Variants in GET1 observed in about 807,000 individuals in gnomAD.
The protein encoded by GET1 is congenital heart disease 5 protein.
In GET1, 20 loss-of-function variants were observed where a neutral mutation model predicts 22.6. The observed-to-expected ratio is 0.89, with a 90% CI of 0.62 to 1.29. The LOEUF (loss-of-function observed/expected upper bound fraction) is 1.29, where lower values mean the gene tolerates loss of function less well. Ranked by LOEUF, GET1 falls within the 50% of genes most tolerant of loss-of-function variation. The probability of loss-of-function intolerance (pLI) is 0.00; values close to 1 mark genes in which losing one functional copy is unlikely to be tolerated. For synonymous variants in GET1, 92 were observed against 83.8 expected, an observed-to-expected ratio of 1.10 and a Z score of -0.53; for missense variants, 209 against 219.9, an observed-to-expected ratio of 0.95 and a Z score of 0.31.
At chr21:39,410,221 G>T, downstream of GET1, 1 of 1,316,792 alleles carries the variant, frequency 7.6e-7, no homozygotes, top group Non-Finnish European at 1.1e-6. Context: ...TTTTTGTTAA[G>T]ACATGTTTAA....
chr21:39,390,855 A>G lies in GET1; in HGVS notation c.260A>G (p.Lys87Arg). Residue 87 changes from lysine to arginine, a missense_variant, in exon 2 of 5, where the codon AAA (lysine) becomes AGA (arginine). Transcript: ENST00000649170. The stretch of plus-strand genomic sequence containing the variant: ...ATCAACAAGATGACGGATAAGCTCA[A>G]AACCCATGGTACTGTGTCCCTTGCA... The part of the protein sequence containing the change: ...RKINKMTDKL[K>R]THVKARTAQL... The G allele has an allele frequency of 5.0e-6, 8 of 1,614,166 alleles. No individual in the cohort carries two copies. The highest frequency in any genetic ancestry group is 6.8e-6 in the Non-Finnish European group (8 of 1,180,022).
At chr21:39,396,840 C>G (rs576175334) in intron 4 of GET1, 26 bp from the exon 5 acceptor site, 1 of 1,611,860 alleles carries the variant, frequency 6.2e-7, no homozygotes, top group Non-Finnish European at 8.5e-7. Flanking sequence ...GGTATGCGCT[C>G]TCATGGTGAA....
intron 1 of GET1, among the ~76,000 whole-genome samples, chr21:39,416,390 G>C (rs1471858011): frequency 6.6e-6 from 1 of 152,202 alleles, no homozygotes; most frequent in Admixed American, 6.5e-5. Flanking sequence ...AGATGGGCCT[G>C]AGTCCTTTTG....
exon 5 of GET1, chr21:39,406,524 C>T: frequency 1.2e-6 from 2 of 1,613,034 alleles, no homozygotes; most frequent in Non-Finnish European, 1.7e-6. Flanking sequence ...AAATGTTTTT[C>T]TTTTCTTGGT....
chr21:39,387,462 TGA>T (rs1432824520), intron 1 of GET1, among the ~76,000 whole-genome samples: 1 of 152,254 alleles, frequency 6.6e-6, no homozygotes, highest in Non-Finnish European at 1.5e-5. Context: ...GATAATTTTG[TGA>T]TTCATCTAAG....
Position 39,391,882 on chromosome 21 carries a change from C to G in GET1, c.336+46C>G, listed in dbSNP as rs201454241. 9 of 1,590,182 alleles carry G rather than the reference C, an allele frequency of 5.7e-6. No individual in the cohort carries two copies. In the East Asian group the frequency reaches 1.8e-4, roughly 32 times the overall value. ...GCCGGGTCATTGGAGTTGGTGACCCCGGCCTCCAGAGCCGTGTCTGCAGAT... is the reference window on the plus strand; with the variant it reads ...GCCGGGTCATTGGAGTTGGTGACCCGGGCCTCCAGAGCCGTGTCTGCAGAT... On this transcript the variant is annotated intron_variant, in intron 3 of 4. Coordinates refer to ENST00000649170, the MANE Select transcript of GET1 (RefSeq NM_004627.6).
intron 4 of GET1, among the ~76,000 whole-genome samples, chr21:39,405,127 C>T (rs2038975247): frequency 6.6e-6 from 1 of 152,056 alleles, no homozygotes; most frequent in Admixed American, 6.5e-5. Flanking sequence ...GCCATGGCAC[C>T]CAGCCTATTT....
At chr21:39,423,447 T>A in intron 1 of GET1, 2 of 1,587,824 alleles carry the variant, frequency 1.3e-6, no homozygotes, top group Non-Finnish European at 1.7e-6. Flanking sequence ...TAAAGAGTGA[T>A]GCATTCCAGG....
chr21:39,426,346 G>A (rs920460143), intron 1 of GET1, among the ~76,000 whole-genome samples: 15 of 152,168 alleles, frequency 9.9e-5, no homozygotes, highest in East Asian at 5.8e-4. Context: ...CTTAGAATTC[G>A]AAATGCAATT....
intron 1 of GET1, chr21:39,381,058 G>A: frequency 1.5e-6 from 1 of 677,340 alleles, no homozygotes. Context: ...CACGGCTGCT[G>A]GGAGAGGCGA....
intron 1 of GET1, among the ~76,000 whole-genome samples, chr21:39,388,333 G>A (rs116858734): frequency 0.024 from 3,593 of 152,260 alleles, 73 homozygotes; most frequent in Non-Finnish European, 0.04. Flanking sequence ...TAATGCAGGC[G>A]TCAAGTACGT....
chr21:39,425,710 A>G (rs567999483), intron 1 of GET1, among the ~76,000 whole-genome samples: 1 of 152,286 alleles, frequency 6.6e-6, no homozygotes, highest in African/African-American at 2.4e-5. Context: ...CATGTTCTAC[A>G]CTATGGCCAG....
chr21:39,417,806 C>T (rs1251295302), intron 1 of GET1, among the ~76,000 whole-genome samples: 3 of 151,884 alleles, frequency 2.0e-5, no homozygotes, highest in Non-Finnish European at 4.4e-5. Flanking sequence ...CGCTCTGTCG[C>T]CCAGGCTGGA....
rs531620288 is a variant in GET1, at chr21:39,389,797, C to G, written c.103-901C>G. ...ACTGACATTCTGCCCTGGGCCCCTG[C>G]CTCACCACTGTTACCCTGCACCTGC... On this transcript the variant is annotated intron_variant, in intron 1 of 4. Coordinates refer to ENST00000649170, the MANE Select transcript of GET1 (RefSeq NM_004627.6). Among the ~76,000 whole-genome samples the G allele has an allele frequency of 3.5e-3, 534 of 152,308 alleles. 6 individuals are homozygous for G. The highest frequency in any genetic ancestry group is 0.012 in the African/African-American group (492 of 41,576).
chr21:39,403,797 T>C (rs1462001341), intron 4 of GET1, among the ~76,000 whole-genome samples: 1 of 151,428 alleles, frequency 6.6e-6, no homozygotes, highest in Non-Finnish European at 1.5e-5. Flanking sequence ...AATTTTTGTA[T>C]TTTTAGTAGA....
chr21:39,397,061 TGAATATG>T lies in GET1; in HGVS notation c.*123_*129del. ...TGCATAGTTTAGATTTTTTTTTTGT[TGAATATG>T]TTTGTTCTTGGACTTTATGAGAGAG... On this transcript the variant is annotated 3_prime_UTR_variant, in exon 5 of 5. Coordinates refer to ENST00000649170, the MANE Select transcript of GET1 (RefSeq NM_004627.6). 1.0e-6 allele frequency: 1 copy of T among 1,000,954 alleles called. No individual in the cohort carries two copies. The highest frequency in any genetic ancestry group is 1.5e-6 in the Non-Finnish European group (1 of 679,818). 62.0% of individuals were successfully genotyped at this position (1,000,954 alleles called of 1,614,324 possible).
chr21:39,394,618 A>G (rs1290535045), intron 4 of GET1, among the ~76,000 whole-genome samples: 1 of 152,132 alleles, frequency 6.6e-6, no homozygotes, highest in African/African-American at 2.4e-5. Context: ...GTGTCTGATG[A>G]TGGCCCATTT....
intron 1 of GET1, among the ~76,000 whole-genome samples, chr21:39,427,479 G>A (rs1049195880): frequency 1.3e-4 from 20 of 151,924 alleles, no homozygotes; most frequent in Non-Finnish European, 2.8e-4. Flanking sequence ...TGGCTAACAC[G>A]GTGAAACCCT....
At chr21:39,422,689 G>A (rs913545139) in intron 1 of GET1, 1 of 496,700 alleles carries the variant, frequency 2.0e-6, no homozygotes, top group South Asian at 4.0e-5. Context: ...TAGCACTGTA[G>A]CTGTGCTCTC....
Sources: gnomAD v4.1 joint callset for allele counts (sites outside exome capture counted in the v4.1 genomes callset) on GRCh38, gnomAD v4.1.1 for gene constraint, MANE v1.5 for transcripts, NCBI Gene and HGNC (gene_info 2026-07-23, HGNC 2026-07-21) for gene names.